DCX: variants seen among roughly 807,000 people sequenced by gnomAD.
The protein encoded by DCX is doublecortin.
Under a neutral mutation model 20.9 loss-of-function variants are expected in DCX, and 4 were observed. The ratio of observed to expected loss-of-function variants is 0.19; its 90% CI spans 0.09 to 0.44. The LOEUF (loss-of-function observed/expected upper bound fraction) is 0.44. DCX is among the 20% of genes least tolerant of loss of function. DCX has a pLI of 0.99. For synonymous variants in DCX, 103 were observed against 111.4 expected (o/e 0.92, Z 0.47); for missense variants, 133 against 296.9 (o/e 0.45, Z 4.06).
At chrX:111,380,166 A>C (rs1361133611) in intron 3 of DCX, among the ~76,000 whole-genome samples, 1 of 111,886 alleles carries the variant, frequency 8.9e-6, no homozygotes, top group Non-Finnish European at 1.9e-5. Flanking sequence ...CATGTGCAGC[A>C]CAGAAGTTTT....
intron 5 of DCX, among the ~76,000 whole-genome samples, chrX:111,325,277 C>G (rs1292545731): frequency 9.0e-6 from 1 of 111,243 alleles, no homozygotes; most frequent in Admixed American, 9.6e-5. Context: ...AAGGACCATC[C>G]AACGTAGACC....
At chrX:111,370,559 G>A (rs1924992162) in intron 3 of DCX, among the ~76,000 whole-genome samples, 1 of 111,342 alleles carries the variant, frequency 9.0e-6, no homozygotes, top group Non-Finnish European at 1.9e-5. Context: ...TGGAGTAGGG[G>A]GTCAGTGGGG....
intron 5 of DCX, among the ~76,000 whole-genome samples, chrX:111,319,560 G>A (rs942951639): frequency 8.9e-6 from 1 of 112,222 alleles, no homozygotes; most frequent in Non-Finnish European, 1.9e-5. Context: ...GAAAAGGCAA[G>A]AGTCTGTGGA....
Position 111,316,092 on chromosome X carries a change from A to T in DCX, c.947-3356T>A, listed in dbSNP as rs1157155565. Among the ~76,000 whole-genome samples, 136 of 96,343 alleles carry T rather than the reference A, an allele frequency of 1.4e-3. 1 individual carries two copies. Among genetic ancestry groups the T allele is most frequent in the Middle Eastern group, 5.1e-3 (1 of 198 alleles). 83.7% of individuals were successfully genotyped at this position (96,343 alleles called of 115,157 possible). ...CTTAGAGTATAATAAAAAATAAAAA[A>T]AAAAAAAAAAAAAAAAAATGTTAAG... On this transcript the variant is annotated intron_variant, in intron 5 of 6. Coordinates refer to ENST00000636035, the MANE Select transcript of DCX (RefSeq NM_001195553.2).
chrX:111,395,210 C>T (rs982877643), intron 3 of DCX, among the ~76,000 whole-genome samples: 1 of 111,675 alleles, frequency 9.0e-6, no homozygotes, highest in African/African-American at 3.3e-5. Flanking sequence ...AAAATTAAGG[C>T]CCAAAAAGAG....
intron 3 of DCX, among the ~76,000 whole-genome samples, chrX:111,392,994 C>G (rs777793329): frequency 7.2e-5 from 8 of 110,928 alleles, no homozygotes; most frequent in African/African-American, 2.6e-4. Context: ...ATCAAGACCT[C>G]TTTTTTCCCT....
At chrX:111,346,842 T>TAAAA (rs1468830405) in intron 3 of DCX, among the ~76,000 whole-genome samples, 1 of 111,877 alleles carries the variant, frequency 8.9e-6, no homozygotes, top group Non-Finnish European at 1.9e-5. Flanking sequence ...AATAAAACTG[T>TAAAA]TAAAAAAAGA....
At chrX:111,330,821 T>G in intron 5 of DCX, 83 bp downstream of exon 5, 1 of 1,143,907 alleles carries the variant, frequency 8.7e-7, no homozygotes, top group Non-Finnish European at 1.2e-6. Flanking sequence ...GTGGTGTTCA[T>G]GAGGAACTGA....
intron 6 of DCX, among the ~76,000 whole-genome samples, chrX:111,306,937 A>C: frequency 9.0e-6 from 1 of 111,312 alleles, no homozygotes; most frequent in Non-Finnish European, 1.9e-5. Context: ...ATGTATATGA[A>C]ATGTTTCAAA....
At chrX:111,328,340 A>G (rs147014648) in intron 5 of DCX, among the ~76,000 whole-genome samples, 1,680 of 111,700 alleles carry the variant, frequency 0.015, 15 homozygotes, top group South Asian at 0.035. Flanking sequence ...TATTCACGTT[A>G]TATCTCTGAT....
At chrX:111,400,051 C>G (rs1196164341) in intron 3 of DCX, among the ~76,000 whole-genome samples, 4 of 111,585 alleles carry the variant, frequency 3.6e-5, no homozygotes, top group African/African-American at 1.3e-4. Context: ...TTAGGAATAC[C>G]TTTTCTATAT....
At chrX:111,385,375 G>A (rs943688008) in intron 3 of DCX, among the ~76,000 whole-genome samples, 10 of 111,586 alleles carry the variant, frequency 9.0e-5, no homozygotes, top group Non-Finnish European at 3.8e-5. Context: ...CAAGTTCTTG[G>A]CTGGGTACAG....
In DCX at chrX:111,378,438, C is replaced by G. The variant is rs144521938; in HGVS notation, c.705+22552G>C. ...ATCTGCATTTTTAACAAGCTACCCA[C>G]ATGAATTCTGATATGAACAACACAC... On this transcript the variant is annotated intron_variant, in intron 3 of 6. Coordinates refer to ENST00000636035, the MANE Select transcript of DCX (RefSeq NM_001195553.2). Among the ~76,000 whole-genome samples, 388 of 111,755 alleles carry G rather than the reference C, an allele frequency of 3.5e-3. 3 individuals are homozygous for G. Among genetic ancestry groups the G allele is most frequent in the African/African-American group, 0.012 (365 of 30,793 alleles).
chrX:111,342,201 C>CAAA (rs775762991), intron 3 of DCX, among the ~76,000 whole-genome samples: 1 of 24,210 alleles, frequency 4.1e-5, no homozygotes, highest in African/African-American at 1.1e-4. Context: ...AAAAGGAAAG[C>CAAA]AAAAAAAAAA....
intron 3 of DCX, among the ~76,000 whole-genome samples, chrX:111,353,822 A>C (rs1923515833): frequency 9.0e-6 from 1 of 111,679 alleles, no homozygotes; most frequent in Non-Finnish European, 1.9e-5. Flanking sequence ...GTCTGGTGGA[A>C]GTTTCTCATT....
At chrX:111,351,665 T>C (rs1923315033) in intron 3 of DCX, among the ~76,000 whole-genome samples, 1 of 112,211 alleles carries the variant, frequency 8.9e-6, no homozygotes, top group African/African-American at 3.2e-5. Context: ...AGATTGCAGA[T>C]GCCTATAGCT....
intron 3 of DCX, among the ~76,000 whole-genome samples, chrX:111,391,387 T>C (rs1480713800): frequency 1.8e-5 from 2 of 111,588 alleles, no homozygotes; most frequent in Non-Finnish European, 3.8e-5. Flanking sequence ...CCACTTTTTT[T>C]CATAAATTAC....
At chrX:111,372,475 G>A (rs1045687047) in intron 3 of DCX, among the ~76,000 whole-genome samples, 68 of 111,605 alleles carry the variant, frequency 6.1e-4, no homozygotes, top group African/African-American at 2.2e-3. Context: ...ATTGTACTGG[G>A]CAATTATCCA....
At chrX:111,391,170 T>A (rs1926922634) in intron 3 of DCX, among the ~76,000 whole-genome samples, 1 of 110,723 alleles carries the variant, frequency 9.0e-6, no homozygotes, top group South Asian at 3.9e-4. Flanking sequence ...GGGACAGATT[T>A]TTCCCATGCT....
Sources: gnomAD v4.1 joint callset for allele counts (sites outside exome capture counted in the v4.1 genomes callset) on GRCh38, gnomAD v4.1.1 for gene constraint, MANE v1.5 for transcripts, NCBI Gene and HGNC (gene_info 2026-07-23, HGNC 2026-07-21) for gene names.